Variants in RHOJ observed in about 807,000 individuals in gnomAD.
The protein encoded by RHOJ is rho-related GTP-binding protein RhoJ.
A neutral mutation model predicts 23.4 loss-of-function variants in RHOJ; 11 were observed. That is an observed-to-expected ratio of 0.47 (90% CI 0.30 to 0.78). The LOEUF is 0.78. Ranked by LOEUF, RHOJ falls within the 30% of genes least tolerant of loss-of-function variation. The probability of loss-of-function intolerance (pLI) is 0.08; values close to 1 mark genes in which losing one functional copy is unlikely to be tolerated. For missense variants in RHOJ, 254 were observed against 273.4 expected, an observed-to-expected ratio of 0.93 and a Z score of 0.50; for synonymous variants, 102 against 102.7, an observed-to-expected ratio of 0.99 and a Z score of 0.04.
Position 63,220,227 on chromosome 14 carries a change from T to C in RHOJ, c.178+15180T>C, listed in dbSNP as rs116422691. Among the ~76,000 whole-genome samples the C allele has an allele frequency of 8.3e-3, 1,256 of 152,084 alleles. 24 individuals are homozygous for C. Among genetic ancestry groups the C allele is most frequent in the African/African-American group, 0.028 (1,154 of 41,482 alleles). ...TCTCTGTGATTCTTCAAGGACAAGG[T>C]TTTTTTAATCCCCATTCTTTGTTCT... On this transcript the variant is annotated intron_variant, in intron 1 of 4. Transcript: ENST00000316754.
At position 63,291,678 on chromosome 14, in the gene RHOJ, G is replaced by A. The variant is rs1189093195; in HGVS notation, c.*654G>A. ...AAGAAGACATGAGAAGACTTTAAAA[G>A]TTTTGGAAATTTACAGAGCCATGAT... On this transcript the variant is annotated 3_prime_UTR_variant, in exon 5 of 5. Transcript: ENST00000316754. The A allele has an allele frequency of 6.5e-6, 1 of 154,854 alleles. No homozygotes were observed. The highest frequency in any genetic ancestry group is 1.4e-5 in the Non-Finnish European group (1 of 69,390). 9.6% of individuals were successfully genotyped at this position (154,854 alleles called of 1,614,324 possible).
chr14:63,233,093 G>T (rs1894727458), intron 1 of RHOJ, among the ~76,000 whole-genome samples: 1 of 152,172 alleles, frequency 6.6e-6, no homozygotes, highest in Non-Finnish European at 1.5e-5. Context: ...TAATTGAGGA[G>T]AATGTGAGGA....
intron 1 of RHOJ, among the ~76,000 whole-genome samples, chr14:63,227,240 C>T (rs1187976188): frequency 6.6e-6 from 1 of 152,180 alleles, no homozygotes; most frequent in Non-Finnish European, 1.5e-5. Flanking sequence ...GTGTGAGCCA[C>T]CGCGCCCAGC....
chr14:63,252,659 C>T (rs893005457), intron 1 of RHOJ, among the ~76,000 whole-genome samples: 2 of 152,126 alleles, frequency 1.3e-5, no homozygotes, highest in African/African-American at 4.8e-5. Flanking sequence ...TTGTTGTCCC[C>T]CAATCCCCCA....
intron 1 of RHOJ, among the ~76,000 whole-genome samples, chr14:63,243,179 T>G (rs529401883): frequency 6.6e-5 from 10 of 152,228 alleles, no homozygotes; most frequent in Non-Finnish European, 1.3e-4. Context: ...CAAGCTCTTT[T>G]AAAAGCCAAA....
At chr14:63,285,122 A>G (rs777890563) in intron 4 of RHOJ, among the ~76,000 whole-genome samples, 3 of 152,178 alleles carry the variant, frequency 2.0e-5, no homozygotes, top group Non-Finnish European at 4.4e-5. Flanking sequence ...GCTAGCATTT[A>G]TGGAGTGTTT....
chr14:63,236,748 A>ACACACACAC (rs1894796194), intron 1 of RHOJ, among the ~76,000 whole-genome samples: 1 of 138,362 alleles, frequency 7.2e-6, no homozygotes, highest in African/African-American at 2.7e-5. Flanking sequence ...AGAGGCTTGA[A>ACACACACAC]ACACACACAC....
intron 1 of RHOJ, among the ~76,000 whole-genome samples, chr14:63,222,197 A>C (rs369493896): frequency 4.6e-5 from 7 of 151,928 alleles, no homozygotes; most frequent in Admixed American, 3.3e-4. Context: ...GTGTATATGT[A>C]CCACATTTTC....
At chr14:63,226,254 CAT>C (rs1243248395) in intron 1 of RHOJ, among the ~76,000 whole-genome samples, 1 of 151,742 alleles carries the variant, frequency 6.6e-6, no homozygotes, top group African/African-American at 2.4e-5. Flanking sequence ...CTGAGAAAAA[CAT>C]AATGAAACAA....
intron 2 of RHOJ, among the ~76,000 whole-genome samples, chr14:63,273,015 C>T (rs757308739): frequency 6.6e-6 from 1 of 152,162 alleles, no homozygotes; most frequent in African/African-American, 2.4e-5. Flanking sequence ...AAGAGCAAAA[C>T]TCCATCTCAA....
intron 1 of RHOJ, among the ~76,000 whole-genome samples, chr14:63,251,117 G>T (rs1895063152): frequency 6.6e-6 from 1 of 152,102 alleles, no homozygotes; most frequent in South Asian, 2.1e-4. Context: ...TTCCCCTTGA[G>T]TCCTGTTTTA....
chr14:63,239,084 T>C (rs1206652682), intron 1 of RHOJ, among the ~76,000 whole-genome samples: 1 of 151,994 alleles, frequency 6.6e-6, no homozygotes, highest in Non-Finnish European at 1.5e-5. Context: ...GAATACCAAC[T>C]CATGGTTTTT....
intron 1 of RHOJ, among the ~76,000 whole-genome samples, chr14:63,262,700 C>T (rs1043318250): frequency 6.6e-6 from 1 of 152,202 alleles, no homozygotes; most frequent in Non-Finnish European, 1.5e-5. Flanking sequence ...GCTGCCCCTC[C>T]GTACATTTCG....
intron 4 of RHOJ, chr14:63,288,297 G>A: frequency 1.0e-6 from 1 of 985,410 alleles, no homozygotes; most frequent in Non-Finnish European, 1.2e-6. Flanking sequence ...GGAGTGCCCT[G>A]CCCCTCCTGC....
intron 1 of RHOJ, among the ~76,000 whole-genome samples, chr14:63,219,695 G>T (rs183677317): frequency 2.0e-5 from 3 of 152,042 alleles, no homozygotes; most frequent in East Asian, 3.9e-4. Flanking sequence ...GCATGCCTGT[G>T]GTCCCAGCTA....
At chr14:63,223,525 G>A (rs1350974072) in intron 1 of RHOJ, among the ~76,000 whole-genome samples, 5 of 152,034 alleles carry the variant, frequency 3.3e-5, no homozygotes, top group Non-Finnish European at 5.9e-5. Flanking sequence ...GAGTTTCATG[G>A]GAAAGTTATG....
Position 63,268,989 on chromosome 14 carries a change from G to C in RHOJ, c.179-121G>C, listed in dbSNP as rs1011586357. The C allele has an allele frequency of 5.8e-6, 4 of 687,442 alleles. No homozygotes were observed. The African/African-American group carries it at 7.1e-5, about 12-fold the overall frequency. 42.6% of individuals were successfully genotyped at this position (687,442 alleles called of 1,614,324 possible). A position where few individuals can be genotyped will look rare whatever the true frequency, so the allele number is the denominator to read the frequency against. The stretch of plus-strand genomic sequence containing the variant: ...TCAACTTGGTTTAGAATGTACATGA[G>C]CGAGGCATATGCTTCTTCTTGCTGC... On this transcript the variant is annotated intron_variant, in intron 1 of 4. Transcript: ENST00000316754.
chr14:63,268,958 A>G (rs957916220), intron 1 of RHOJ, 152 bp from the exon 2 acceptor site: 1 of 595,402 alleles, frequency 1.7e-6, no homozygotes, highest in African/African-American at 1.9e-5. Flanking sequence ...TTTGGAAATT[A>G]TGCTGTCAAC....
chr14:63,277,780 TG>T (rs1407279686), intron 2 of RHOJ, among the ~76,000 whole-genome samples: 1 of 152,120 alleles, frequency 6.6e-6, no homozygotes, highest in African/African-American at 2.4e-5. Context: ...GATTATAGCC[TG>T]GGAAGGAGAC....
Sources: allele counts gnomAD v4.1 joint callset (sites outside exome capture counted in the v4.1 genomes callset), GRCh38; gene constraint gnomAD v4.1.1; transcripts MANE v1.5; gene names NCBI Gene and HGNC (gene_info 2026-07-23, HGNC 2026-07-21).